ZNF20: variants seen among roughly 807,000 people sequenced by gnomAD.
ZNF20 encodes the protein zinc finger protein 20, also known as zinc finger protein KOX13.
A neutral mutation model predicts 11.0 loss-of-function variants in ZNF20; 9 were observed. The ratio of observed to expected loss-of-function variants is 0.82; its 90% CI spans 0.49 to 1.43. The LOEUF is 1.43. ZNF20 is among the 40% of genes most tolerant of loss of function. The pLI is 0.00. For missense variants in ZNF20, 528 were observed against 640.8 expected, an observed-to-expected ratio of 0.82 and a Z score of 1.90; for synonymous variants, 182 against 213.0, an observed-to-expected ratio of 0.85 and a Z score of 1.27.
intron 3 of ZNF20, among the ~76,000 whole-genome samples, chr19:12,135,293 C>T (rs181358193): frequency 2.6e-5 from 4 of 152,236 alleles, no homozygotes; most frequent in Non-Finnish European, 4.4e-5. Context: ...GCATGTGCCA[C>T]CACGCCCAGC....
intron 3 of ZNF20, among the ~76,000 whole-genome samples, chr19:12,134,976 A>C (rs1168806168): frequency 6.6e-6 from 1 of 152,022 alleles, no homozygotes; most frequent in Non-Finnish European, 1.5e-5. Flanking sequence ...GGCCTCCAGC[A>C]ATCCTTTGGT....
chr19:12,133,294 T>G lies in ZNF20; in HGVS notation c.892A>C (p.Ile298Leu), dbSNP rs534107900. Residue 298 changes from isoleucine (I) to leucine (L), a missense_variant, in exon 4 of 4, where the codon ATT (isoleucine) becomes CTT (leucine). Physicochemically the swap from Ile to Leu is conservative, Grantham distance 5. Transcript: ENST00000334213. ...GTGTGAGTCATCTTATGATACTGAATGGAACTGAAAGAAATGAAGACTTTC... is the reference window on the plus strand; with the variant it reads ...GTGTGAGTCATCTTATGATACTGAAGGGAACTGAAAGAAATGAAGACTTTC... Reference protein sequence around the residue: ...CGKVFISFSSIQYHKMTHTGE... With the variant: ...CGKVFISFSSLQYHKMTHTGE... 1 of 1,614,150 alleles carries G rather than the reference T, an allele frequency of 6.2e-7. No homozygotes were observed. Among genetic ancestry groups the G allele is most frequent in the South Asian group, 1.1e-5 (1 of 91,082 alleles).
chr19:12,134,198 C>T (rs745975581), intron 3 of ZNF20, among the ~76,000 whole-genome samples: 11 of 151,806 alleles, frequency 7.2e-5, no homozygotes, highest in East Asian at 1.9e-4. Flanking sequence ...GTGGCAGGTG[C>T]CTGTAATCCC....
At chr19:12,138,894 G>C (rs1976755005) in intron 1 of ZNF20, among the ~76,000 whole-genome samples, 1 of 152,156 alleles carries the variant, frequency 6.6e-6, no homozygotes, top group South Asian at 2.1e-4. Flanking sequence ...AAAAGTAATT[G>C]AAAATTTAAG....
rs777485290 is a variant in ZNF20, at chr19:12,133,650, G to T, written c.536C>A (p.Thr179Asn). The change falls in exon 4 of 4, where the codon ACC becomes AAC. Residue 179 changes from threonine (T) to asparagine (N), a missense_variant. Coordinates refer to ENST00000334213, the MANE Select transcript of ZNF20 (RefSeq NM_021143.4). Reference sequence around the variant, plus strand: ...TTGAATGCATGAATGGGAAATGAAGGTTTCTGTACATTCTTTACCATCATA... The same window carrying T: ...TTGAATGCATGAATGGGAAATGAAGTTTTCTGTACATTCTTTACCATCATA... ...KPYDGKECTE[T>N]FISHSCIQRH... 3.7e-5 allele frequency: 60 copies of T among 1,614,064 alleles called. No homozygotes were observed. The highest frequency in any genetic ancestry group is 4.7e-5 in the Non-Finnish European group (55 of 1,180,036).
chr19:12,136,970 A>G, intron 1 of ZNF20: 1 of 372,290 alleles, frequency 2.7e-6, no homozygotes, highest in Middle Eastern at 3.6e-4. Flanking sequence ...TTACCTTACC[A>G]TGCATTTTCA....
rs1363378013 is a variant in ZNF20, at chr19:12,133,963, C to T, written c.223G>A (p.Glu75Lys). 2 of 1,608,594 alleles carry T rather than the reference C, an allele frequency of 1.2e-6. No homozygotes were observed. The highest frequency in any genetic ancestry group is 1.7e-6 in the Non-Finnish European group (2 of 1,177,344). ...NLSLMREKLC[E>K]SKESHHCGES... is the part of the protein sequence containing the mutation. Reference sequence around the variant, plus strand: ...CCACAGTGATGACTTTCTTTACTTTCACAGAGTTTCTCTCTCATAAGACTT... The same window carrying T: ...CCACAGTGATGACTTTCTTTACTTTTACAGAGTTTCTCTCTCATAAGACTT... Residue 75 changes from glutamate to lysine, a missense_variant, in exon 4 of 4, where the codon GAA becomes AAA. Glu to Lys is a moderately conservative substitution (Grantham distance 56). Transcript: ENST00000334213.
intron 2 of ZNF20, 98 bp downstream of exon 2, chr19:12,135,671 A>G (rs1351198543): frequency 1.3e-6 from 2 of 1,591,318 alleles, no homozygotes; most frequent in African/African-American, 1.4e-5. Flanking sequence ...TTTATTCATC[A>G]AAGTATTTTT....
At position 12,131,827 on chromosome 19, in the gene ZNF20, T is replaced by C. The variant is rs1468691832; in HGVS notation, c.*760A>G. 1 of 152,202 alleles carries C rather than the reference T, an allele frequency of 6.6e-6. No homozygotes were observed. The highest frequency in any genetic ancestry group is 1.5e-5 in the Non-Finnish European group (1 of 68,026). 9.4% of individuals were successfully genotyped at this position (152,202 alleles called of 1,614,324 possible). ...TTGTTGCCAAGAAACCGCATTAGTG[T>C]TTTTAGTCAGGTATACTCATACAAA... On this transcript the variant is annotated 3_prime_UTR_variant, in exon 4 of 4. Transcript: ENST00000334213.
rs1976637148 is a variant in ZNF20, at chr19:12,132,443, T to C, written c.*144A>G. ...TATTACGAAACCATCCAAGTTCTTC[T>C]AGATTTTATTGTCCTATCGCAAGTC... On this transcript the variant is annotated 3_prime_UTR_variant, in exon 4 of 4. Transcript: ENST00000334213. The C allele has an allele frequency of 1.2e-6, 1 of 816,044 alleles. No individual in the cohort carries two copies. Among genetic ancestry groups the C allele is most frequent in the South Asian group, 1.9e-5 (1 of 52,786 alleles). The allele number at this position is 816,044 out of a possible 1,614,324, so 50.6% of individuals were successfully genotyped here.
rs542034195 is a variant in ZNF20 at position 12,135,208 on chromosome 19, C to T, written c.200+292G>A. On this transcript the variant is annotated intron_variant, in intron 3 of 3. Transcript: ENST00000334213. ...AGGCTGGAGTGCAGTGGTGCGATCT[C>T]GGCTCACTGCAAGCTCTGCCTCCCA... Among the ~76,000 whole-genome samples the T allele has an allele frequency of 8.0e-5, 12 of 149,690 alleles. No homozygotes were observed. The South Asian group carries it at 2.1e-3, about 26-fold the overall frequency.
In ZNF20 at chr19:12,139,213, C is replaced by T. The variant is rs1347767121; in HGVS notation, c.3+967G>A. Among the ~76,000 whole-genome samples the T allele has an allele frequency of 6.6e-6, 1 of 152,204 alleles. No individual in the cohort carries two copies. The highest frequency in any genetic ancestry group is 1.5e-5 in the Non-Finnish European group (1 of 68,032). On this transcript the variant is annotated intron_variant, in intron 1 of 3. Transcript: ENST00000334213. This position sits in a 1 kb window ranked among gnomAD's most constrained non-coding sequence, Gnocchi z 4.0. The stretch of plus-strand genomic sequence containing the variant: ...CCAAGTAAATGATTTTATAACCTTA[C>T]TTCATCCTCTCCTTTTACATAGAGT...
At chr19:12,134,216 C>T (rs1976673815) in intron 3 of ZNF20, among the ~76,000 whole-genome samples, 1 of 151,656 alleles carries the variant, frequency 6.6e-6, no homozygotes. Flanking sequence ...CCCAGCTACT[C>T]GGGAGCCTGA....
rs59605380 is a variant in ZNF20, at chr19:12,132,273, G to A, written c.*314C>T. 2,493 of 280,276 alleles carry A rather than the reference G, an allele frequency of 8.9e-3. 34 individuals are homozygous for A. The highest frequency in any genetic ancestry group is 0.033 in the African/African-American group (1,496 of 45,322). 17.4% of individuals were successfully genotyped at this position (280,276 alleles called of 1,614,324 possible). On this transcript the variant is annotated 3_prime_UTR_variant, in exon 4 of 4. Transcript: ENST00000334213. ...GACAAGTGATTTGGGGGATATTCTC[G>A]ATTAACAAGCCAAAGAATCAGGAAA...
chr19:12,135,995 A>T, intron 1 of ZNF20, 91 bp from the exon 2 acceptor site: 1 of 1,489,452 alleles, frequency 6.7e-7, no homozygotes. Context: ...GTGGACTCCA[A>T]ACATTTATCC....
Position 12,133,362 on chromosome 19 carries a change from C to A in ZNF20, c.824G>T (p.Arg275Met). The part of the protein sequence containing the change: ...SFPSEIRRHK[R>M]SHTGEKPYEC... ...ATAGGGTTTTTCTCCAGTGTGAGAC[C>A]TTTTATGTCTACGAATTTCACTAGG... Residue 275 changes from arginine (R) to methionine (M), a missense_variant, in exon 4 of 4, where the codon AGG becomes ATG. Physicochemically the swap from Arg to Met is moderately conservative, Grantham distance 91. Coordinates refer to ENST00000334213, the MANE Select transcript of ZNF20 (RefSeq NM_021143.4). 1 of 1,614,204 alleles carries A rather than the reference C, an allele frequency of 6.2e-7. No individual in the cohort carries two copies. Among genetic ancestry groups the A allele is most frequent in the South Asian group, 1.1e-5 (1 of 91,088 alleles).
rs1489929305 is a variant in ZNF20 at position 12,132,247 on chromosome 19, A to C, written c.*340T>G. The C allele has an allele frequency of 1.3e-5, 3 of 236,204 alleles. No homozygotes were observed. The highest frequency in any genetic ancestry group is 5.0e-5 in the Admixed American group (1 of 19,960). The allele number at this position is 236,204 out of a possible 1,614,324, so 14.6% of individuals were successfully genotyped here. A position where few individuals can be genotyped will look rare whatever the true frequency, so the allele number is the denominator to read the frequency against. On this transcript the variant is annotated 3_prime_UTR_variant, in exon 4 of 4. Coordinates refer to ENST00000334213, the MANE Select transcript of ZNF20 (RefSeq NM_021143.4). ...GGAGACCTACAACTCTGAGGAACAG[A>C]GACAAGTGATTTGGGGGATATTCTC...
Position 12,135,860 on chromosome 19 carries a change from G to A in ZNF20, c.48C>T (p.Phe16=). ...CCAGCAAAGCCCACTCCTCCTGGGT[G>A]AAGCTGACAGCCACATCCTCAAAGG... ...SVAFEDVAVS[F]TQEEWALLDP... The change falls in exon 2 of 4, where the codon TTC becomes TTT. Residue 16 remains phenylalanine, a synonymous_variant. Coordinates refer to ENST00000334213, the MANE Select transcript of ZNF20 (RefSeq NM_021143.4). 6.2e-7 allele frequency: 1 copy of A among 1,614,166 alleles called. No individual in the cohort carries two copies. Among genetic ancestry groups the A allele is most frequent in the Non-Finnish European group, 8.5e-7 (1 of 1,180,032 alleles).
Position 12,132,311 on chromosome 19 carries a change from C to A in ZNF20, c.*276G>T. 1 of 359,494 alleles carries A rather than the reference C, an allele frequency of 2.8e-6. No homozygotes were observed. The highest frequency in any genetic ancestry group is 5.0e-6 in the Non-Finnish European group (1 of 200,632). 22.3% of individuals were successfully genotyped at this position (359,494 alleles called of 1,614,324 possible). On this transcript the variant is annotated 3_prime_UTR_variant, in exon 4 of 4. Coordinates refer to ENST00000334213, the MANE Select transcript of ZNF20 (RefSeq NM_021143.4). ...AAGAATCAGGAAAATGGGCTGGAAG[C>A]GGGTAGCCACACACCTCTCTCCCTG...
Sources: gnomAD v4.1 joint callset for allele counts (sites outside exome capture counted in the v4.1 genomes callset) on GRCh38, gnomAD v4.1.1 for gene constraint, Gnocchi (gnomAD v3.1) non-coding constraint, MANE v1.5 for transcripts, NCBI Gene and HGNC (gene_info 2026-07-23, HGNC 2026-07-21) for gene names.